The following IQANK1 variants were observed in gnomAD, a reference collection of about 807,000 sequenced individuals.
IQANK1 encodes the protein IQ motif and ankyrin repeat domain-containing protein 1.
A neutral mutation model predicts 22.6 loss-of-function variants in IQANK1; 30 were observed. That is an observed-to-expected ratio of 1.33 (90% confidence interval 0.99 to 1.80). The LOEUF is 1.80. Among genes scored for constraint, IQANK1 ranks in the 40% most tolerant of loss-of-function variants. The pLI is 0.00. For synonymous variants in IQANK1, 122 were observed against 99.6 expected (o/e 1.23, Z -1.34); for missense variants, 275 against 235.2 (o/e 1.17, Z -1.11).
intron 7 of IQANK1, among the ~76,000 whole-genome samples, chr8:143,787,908 C>T (rs1340917760): frequency 6.6e-6 from 1 of 152,140 alleles, no homozygotes; most frequent in African/African-American, 2.4e-5. Flanking sequence ...GCCAGGCCTG[C>T]CACACCTTCT....
chr8:143,743,870 G>A (rs889708307), intron 3 of IQANK1: 21 of 424,562 alleles, frequency 4.9e-5, no homozygotes, highest in Non-Finnish European at 8.3e-5. Context: ...ATGGAGTTTC[G>A]CTCTGTTGCC....
chr8:143,770,199 C>T (rs782344197), intron 3 of IQANK1, among the ~76,000 whole-genome samples: 1 of 152,248 alleles, frequency 6.6e-6, no homozygotes, highest in Admixed American at 6.5e-5. Flanking sequence ...TGAGGCTTAA[C>T]TTCAGCGAAT....
intron 3 of IQANK1, among the ~76,000 whole-genome samples, chr8:143,761,280 C>G (rs1323679644): frequency 4.6e-5 from 7 of 152,208 alleles, no homozygotes; most frequent in African/African-American, 1.7e-4. Context: ...GGCCTCCCGT[C>G]TCCCCTGGGA....
chr8:143,757,825 G>C (rs1388220901), intron 3 of IQANK1, among the ~76,000 whole-genome samples: 1 of 152,096 alleles, frequency 6.6e-6, no homozygotes, highest in Non-Finnish European at 1.5e-5. Context: ...CATCTTTTAG[G>C]AGATATTCTA....
At chr8:143,759,776 T>C (rs1554628748) in intron 3 of IQANK1, 1 of 152,238 alleles carries the variant, frequency 6.6e-6, no homozygotes, top group African/African-American at 2.4e-5. Context: ...CTTGGCATTT[T>C]CACCAGACAT....
chr8:143,789,815 G>C lies in IQANK1; in HGVS notation c.1141G>C (p.Ala381Pro), dbSNP rs939378981. 21 of 1,232,168 alleles carry C rather than the reference G, an allele frequency of 1.7e-5. No homozygotes were observed. The African/African-American group carries it at 3.1e-4, about 18-fold the overall frequency. 76.3% of individuals were successfully genotyped at this position (1,232,168 alleles called of 1,614,324 possible). The change falls in exon 11 of 14, where the codon GCC becomes CCC. Residue 381 changes from alanine to proline, a missense_variant. Physicochemically the swap from Ala to Pro is conservative, Grantham distance 27. Transcript: ENST00000527139. ...CAGGCTGCGGCAGGAGGCCCAGAAG[G>C]CCGAGGAGGCGCTGGCTATGGCCAG... ...VDRLRQEAQK[A>P]EEALAMARLE...
chr8:143,755,002 T>G (rs1176157132), intron 3 of IQANK1, among the ~76,000 whole-genome samples: 1 of 152,152 alleles, frequency 6.6e-6, no homozygotes, highest in Non-Finnish European at 1.5e-5. Context: ...TTCTCTTGGT[T>G]AGAAGCAAGT....
intron 3 of IQANK1, among the ~76,000 whole-genome samples, chr8:143,746,990 C>T (rs1819044410): frequency 6.6e-6 from 1 of 152,146 alleles, no homozygotes; most frequent in Non-Finnish European, 1.5e-5. Context: ...CGCCATTCTC[C>T]TGCCTCAGCC....
chr8:143,781,041 C>A (rs1440646657), intron 7 of IQANK1, among the ~76,000 whole-genome samples: 4 of 152,014 alleles, frequency 2.6e-5, no homozygotes, highest in African/African-American at 9.7e-5. Flanking sequence ...GATGGTGTAT[C>A]CTCATTGTGG....
chr8:143,783,342 G>A (rs528748449), intron 7 of IQANK1, among the ~76,000 whole-genome samples: 7 of 152,190 alleles, frequency 4.6e-5, no homozygotes, highest in African/African-American at 1.7e-4. Flanking sequence ...GCCAACTAAT[G>A]AAGTTGAGAA....
At chr8:143,776,750 T>G (rs1002408233) in intron 7 of IQANK1, among the ~76,000 whole-genome samples, 4 of 152,068 alleles carry the variant, frequency 2.6e-5, no homozygotes, top group African/African-American at 4.8e-5. Context: ...CTCGTGGTAG[T>G]TAGTTGTAGC....
At position 143,771,820 on chromosome 8, in the gene IQANK1, G is replaced by GCCTC; in HGVS notation, c.328_329insTCCC (p.Arg110LeufsTer154). 2.5e-6 allele frequency: 1 copy of GCCTC among 396,060 alleles called. No individual in the cohort carries two copies. The highest frequency in any genetic ancestry group is 4.5e-6 in the Non-Finnish European group (1 of 224,442). The allele number at this position is 396,060 out of a possible 1,614,324, so 24.5% of individuals were successfully genotyped here. A position where few individuals can be genotyped will look rare whatever the true frequency, so the allele number is the denominator to read the frequency against. ...TCCCAGGCCTACCTGGCTCCGGTGC[G>GCCTC]CCGGGAGCAGGAGGCCGCGCGGCGG... On this transcript the variant is annotated frameshift_variant, in exon 5 of 14. Transcript: ENST00000527139. LOFTEE classifies it high-confidence loss of function. This position sits in a 1 kb window ranked among gnomAD's most constrained non-coding sequence, Gnocchi z 6.0.
intron 3 of IQANK1, chr8:143,742,052 T>TG (rs782798557): frequency 3.3e-6 from 1 of 298,688 alleles, no homozygotes; most frequent in Non-Finnish European, 6.7e-6. Context: ...AGCCTGTCTG[T>TG]GCCCTCGCTG....
intron 2 of IQANK1, among the ~76,000 whole-genome samples, chr8:143,738,639 C>A (rs1229922603): frequency 6.6e-6 from 1 of 152,228 alleles, no homozygotes; most frequent in Non-Finnish European, 1.5e-5. Flanking sequence ...AGCCAGAGTG[C>A]CTGCTGTGCG....
At chr8:143,752,995 C>CTTTTTTTTTT (rs1563771948) in intron 3 of IQANK1, among the ~76,000 whole-genome samples, 1 of 74,698 alleles carries the variant, frequency 1.3e-5, no homozygotes. Flanking sequence ...ACTCTCTGTT[C>CTTTTTTTTTT]GTTTTTTTTT....
At chr8:143,749,430 C>A (rs1587477360) in intron 3 of IQANK1, among the ~76,000 whole-genome samples, 9 of 116,920 alleles carry the variant, frequency 7.7e-5, no homozygotes, top group African/African-American at 1.7e-4. Context: ...ATACATATAT[C>A]TCATATATAA....
At chr8:143,761,557 C>T (rs1348289994) in intron 3 of IQANK1, among the ~76,000 whole-genome samples, 5 of 152,174 alleles carry the variant, frequency 3.3e-5, no homozygotes, top group Non-Finnish European at 7.4e-5. Flanking sequence ...ATTGCTTCAG[C>T]CCAGGAGTTC....
chr8:143,775,351 CACAG>C (rs1554630257), intron 7 of IQANK1, among the ~76,000 whole-genome samples: 2 of 150,148 alleles, frequency 1.3e-5, no homozygotes, highest in South Asian at 2.1e-4. Flanking sequence ...CACACACACA[CACAG>C]ACACACACAC....
chr8:143,760,350 T>C (rs1819371740), intron 3 of IQANK1: 1 of 152,062 alleles, frequency 6.6e-6, no homozygotes, highest in African/African-American at 2.4e-5. Context: ...CAGAGTACAG[T>C]CAGGAAACAG....
Sources: gnomAD v4.1 joint callset for allele counts (sites outside exome capture counted in the v4.1 genomes callset) on GRCh38, gnomAD v4.1.1 for gene constraint, Gnocchi (gnomAD v3.1) non-coding constraint, MANE v1.5 for transcripts, NCBI Gene and HGNC (gene_info 2026-07-23, HGNC 2026-07-21) for gene names.